The following SLC26A7 variants were observed in gnomAD, a reference collection of about 807,000 sequenced individuals.
SLC26A7 encodes solute carrier family 26 member 7, also known as anion exchange transporter.
SLC26A7 carries 59 observed loss-of-function variants against 82.5 expected under a neutral mutation model. The ratio of observed to expected loss-of-function variants is 0.72; its 90% CI spans 0.58 to 0.89. The LOEUF (loss-of-function observed/expected upper bound fraction) is 0.89, where lower values mean the gene tolerates loss of function less well. SLC26A7 is among the 40% of genes least tolerant of loss of function. The pLI is 0.00. For missense variants in SLC26A7, 820 were observed against 793.0 expected (o/e 1.03, Z -0.41); for synonymous variants, 271 against 274.3 (o/e 0.99, Z 0.12).
intron 14 of SLC26A7, among the ~76,000 whole-genome samples, chr8:91,368,503 C>T (rs766106705): frequency 6.6e-6 from 1 of 151,514 alleles, no homozygotes; most frequent in Non-Finnish European, 1.5e-5. Flanking sequence ...ACTGCAAGCT[C>T]CACCTCCAGG....
chr8:91,255,794 A>AT, intron 2 of SLC26A7, among the ~76,000 whole-genome samples: 1 of 152,276 alleles, frequency 6.6e-6, no homozygotes, highest in East Asian at 1.9e-4. Context: ...ACTTAGCATA[A>AT]TGCTCCCTAT....
chr8:91,299,523 A>T (rs1812105809), intron 4 of SLC26A7, among the ~76,000 whole-genome samples: 3 of 152,058 alleles, frequency 2.0e-5, no homozygotes, highest in Admixed American at 6.6e-5. Context: ...GTTGCTGCCT[A>T]CTTGTGCCAA....
At chr8:91,373,437 T>A (rs530098784) in intron 15 of SLC26A7, among the ~76,000 whole-genome samples, 14 of 152,098 alleles carry the variant, frequency 9.2e-5, no homozygotes, top group African/African-American at 3.4e-4. Context: ...CGTGAAGGGA[T>A]GTTGGATTTT....
chr8:91,260,453 G>A (rs1182502519), intron 2 of SLC26A7, among the ~76,000 whole-genome samples: 1 of 152,076 alleles, frequency 6.6e-6, no homozygotes, highest in Admixed American at 6.6e-5. Context: ...AATTGCCTAA[G>A]CCATACGTTC....
chr8:91,319,082 G>A (rs1228934673), intron 5 of SLC26A7, among the ~76,000 whole-genome samples: 2 of 152,036 alleles, frequency 1.3e-5, no homozygotes, highest in African/African-American at 4.8e-5. Context: ...TGAGAGTATT[G>A]CCATTCTTAA....
intron 2 of SLC26A7, among the ~76,000 whole-genome samples, chr8:91,283,861 G>A (rs1369154039): frequency 1.3e-5 from 2 of 152,132 alleles, no homozygotes; most frequent in African/African-American, 2.4e-5. Flanking sequence ...TGAGTGGTAA[G>A]ACTTATTAGG....
upstream of SLC26A7, among the ~76,000 whole-genome samples, chr8:91,248,149 G>T (rs998710279): frequency 6.6e-6 from 1 of 152,092 alleles, no homozygotes; most frequent in South Asian, 2.1e-4. Context: ...CTGAACTATT[G>T]AATGGTTTAG....
intron 8 of SLC26A7, among the ~76,000 whole-genome samples, chr8:91,340,931 A>C (rs571708392): frequency 5.3e-5 from 8 of 152,306 alleles, no homozygotes; most frequent in African/African-American, 1.9e-4. Context: ...TAGAATACCA[A>C]GGGATGTAGA....
intron 11 of SLC26A7, 49 bp downstream of exon 11, chr8:91,353,045 G>A (rs1193518067): frequency 1.5e-6 from 2 of 1,305,952 alleles, no homozygotes; most frequent in Admixed American, 3.9e-5. Context: ...TTAAGCTTAT[G>A]TTACCAAATA....
intron 11 of SLC26A7, among the ~76,000 whole-genome samples, chr8:91,356,658 AT>A (rs571904620): frequency 1.3e-4 from 19 of 151,532 alleles, no homozygotes; most frequent in Non-Finnish European, 2.7e-4. Flanking sequence ...GGTTGTGAAA[AT>A]TTTCTCCCAT....
chr8:91,352,590 G>C (rs770682194), intron 10 of SLC26A7, among the ~76,000 whole-genome samples: 1 of 151,978 alleles, frequency 6.6e-6, no homozygotes, highest in African/African-American at 2.4e-5. Flanking sequence ...ACAAATGACC[G>C]TGAATACGTT....
intron 13 of SLC26A7, among the ~76,000 whole-genome samples, chr8:91,363,938 AT>A: frequency 7.6e-6 from 1 of 131,072 alleles, no homozygotes; most frequent in South Asian, 2.2e-4. Context: ...GGTTCATGGT[AT>A]TGTTTTTTTT....
At chr8:91,390,909 A>C (rs921762266) in intron 16 of SLC26A7, among the ~76,000 whole-genome samples, 4 of 152,116 alleles carry the variant, frequency 2.6e-5, no homozygotes, top group Non-Finnish European at 4.4e-5. Flanking sequence ...GATTGTCTAA[A>C]CATGGTTGTT....
chr8:91,338,228 C>T lies in SLC26A7; in HGVS notation c.874C>T (p.Gln292Ter). 5 of 1,601,872 alleles carry T rather than the reference C, an allele frequency of 3.1e-6. No individual in the cohort carries two copies. Among genetic ancestry groups the T allele is most frequent in the South Asian group, 2.3e-5 (2 of 88,782 alleles). ...YGLEVVGHIP[Q>*]GIPSPRAPPM... is the part of the protein sequence containing the mutation. ...ATTAGAAGTAGTTGGTCATATTCCA[C>T]AAGGGTAATGTAGTCCTTTTTAAAA... The change falls in exon 7 of 19, where the codon CAA (glutamine) becomes TAA (stop). Residue 292 changes from glutamine (Q) to a stop codon, truncating the protein, a stop_gained. Coordinates refer to ENST00000276609, the MANE Select transcript of SLC26A7 (RefSeq NM_052832.4). LOFTEE classifies it high-confidence loss of function.
intron 15 of SLC26A7, among the ~76,000 whole-genome samples, chr8:91,375,136 C>CA (rs1449042672): frequency 6.6e-6 from 1 of 151,630 alleles, no homozygotes; most frequent in Non-Finnish European, 1.5e-5. Flanking sequence ...TGTTGTTACA[C>CA]AAAAAATGAG....
chr8:91,234,825 C>CCTTCCTTCCTTCCTTCCTTCCT (rs1563637500), intron 2 of SLC26A7, among the ~76,000 whole-genome samples: 122 of 86,484 alleles, frequency 1.4e-3, no homozygotes, highest in African/African-American at 5.5e-3. Context: ...ACCTACCTAC[C>CCTTCCTTCCTTCCTTCCTTCCT]TACTTCCTTC....
At chr8:91,377,714 G>T (rs1317789953) in intron 15 of SLC26A7, among the ~76,000 whole-genome samples, 2 of 152,328 alleles carry the variant, frequency 1.3e-5, no homozygotes, top group Admixed American at 1.3e-4. Flanking sequence ...GTGGTCTGCA[G>T]ATTGTCGATT....
At chr8:91,226,604 T>C (rs1193128564) in intron 2 of SLC26A7, among the ~76,000 whole-genome samples, 1 of 152,260 alleles carries the variant, frequency 6.6e-6, no homozygotes, top group Non-Finnish European at 1.5e-5. Flanking sequence ...CCAGGCACTG[T>C]TCTAATGATA....
chr8:91,395,239 T>A lies in SLC26A7; in HGVS notation c.*142T>A. The A allele has an allele frequency of 3.5e-6, 5 of 1,437,158 alleles. No individual in the cohort carries two copies. In the South Asian group the frequency reaches 8.6e-5, roughly 25 times the overall value. 89.0% of individuals were successfully genotyped at this position (1,437,158 alleles called of 1,614,324 possible). On this transcript the variant is annotated 3_prime_UTR_variant, in exon 19 of 19. Coordinates refer to ENST00000276609, the MANE Select transcript of SLC26A7 (RefSeq NM_052832.4). Reference sequence around the variant, plus strand: ...AGTACGATGTGACTTAGTAACTGCATAGCAGTTGGAAAGAACTGCCAACTT... The same window carrying A: ...AGTACGATGTGACTTAGTAACTGCAAAGCAGTTGGAAAGAACTGCCAACTT...
Sources: gnomAD v4.1 joint callset for allele counts (sites outside exome capture counted in the v4.1 genomes callset) on GRCh38, gnomAD v4.1.1 for gene constraint, MANE v1.5 for transcripts, NCBI Gene and HGNC (gene_info 2026-07-23, HGNC 2026-07-21) for gene names.